The following LARP4 variants were observed in gnomAD, a reference collection of about 807,000 sequenced individuals.
LARP4 encodes la-related protein 4.
LARP4 carries 29 observed loss-of-function variants against 92.9 expected under a neutral mutation model. The ratio of observed to expected loss-of-function variants is 0.31; its 90% CI spans 0.23 to 0.43. The LOEUF is 0.43. Ranked by LOEUF, LARP4 falls within the 20% of genes least tolerant of loss-of-function variation. The probability of loss-of-function intolerance (pLI) is 1.00; values close to 1 mark genes in which losing one functional copy is unlikely to be tolerated. For synonymous variants in LARP4, 279 were observed against 284.1 expected, an observed-to-expected ratio of 0.98 and a Z score of 0.18; for missense variants, 732 against 860.0, an observed-to-expected ratio of 0.85 and a Z score of 1.86.
chr12:50,438,940 T>C (rs1484600887), intron 6 of LARP4, among the ~76,000 whole-genome samples: 2 of 152,176 alleles, frequency 1.3e-5, no homozygotes, highest in African/African-American at 2.4e-5. Flanking sequence ...CAGAGTGTTA[T>C]TTTGTTTTAT....
At chr12:50,424,873 G>T (rs1237114210) in intron 1 of LARP4, among the ~76,000 whole-genome samples, 1 of 151,864 alleles carries the variant, frequency 6.6e-6, no homozygotes, top group Non-Finnish European at 1.5e-5. Context: ...GAGGCCAGGT[G>T]CAGTGGCTCA....
Position 50,461,197 on chromosome 12 carries a change from TGG to T in LARP4, c.1188_1189del (p.Asp397TrpfsTer7). ...CACTCAACAGAGGGCTCTGTATCCT[TGG>T]GGGATGGACAGTTGAACAGATATAG... On this transcript the variant is annotated frameshift_variant, in exon 11 of 16. Transcript: ENST00000398473. LOFTEE classifies it high-confidence loss of function. The T allele has an allele frequency of 6.2e-7, 1 of 1,614,056 alleles. No homozygotes were observed. Among genetic ancestry groups the T allele is most frequent in the Non-Finnish European group, 8.5e-7 (1 of 1,179,998 alleles).
intron 1 of LARP4, among the ~76,000 whole-genome samples, chr12:50,418,105 C>T (rs777815071): frequency 6.6e-6 from 1 of 152,206 alleles, no homozygotes; most frequent in Admixed American, 6.5e-5. Flanking sequence ...AGGTGATCCA[C>T]CCGCCTTGGC....
intron 15 of LARP4, 39 bp downstream of exon 15, chr12:50,474,206 A>G (rs1957286772): frequency 1.3e-6 from 2 of 1,500,266 alleles, no homozygotes; most frequent in Non-Finnish European, 1.8e-6. Flanking sequence ...AAAAAATACA[A>G]TAGATTAGAT....
chr12:50,405,239 T>C (rs1307491830), intron 1 of LARP4, among the ~76,000 whole-genome samples: 1 of 152,048 alleles, frequency 6.6e-6, no homozygotes, highest in Non-Finnish European at 1.5e-5. Flanking sequence ...AAACAAACAA[T>C]GTCCCTCTCT....
chr12:50,453,681 G>A lies in LARP4; in HGVS notation c.1017+9G>A. On this transcript the variant is annotated intron_variant, in intron 9 of 15. Transcript: ENST00000398473. ...ACTTTGAAACACCACTGGTAAGTGA[G>A]ATCCTTACAATAAAATATAATAATA... 6.7e-7 allele frequency: 1 copy of A among 1,502,522 alleles called. No homozygotes were observed. The highest frequency in any genetic ancestry group is 9.2e-7 in the Non-Finnish European group (1 of 1,088,786). 93.1% of individuals were successfully genotyped at this position (1,502,522 alleles called of 1,614,324 possible). A position where few individuals can be genotyped will look rare whatever the true frequency, so the allele number is the denominator to read the frequency against.
chr12:50,406,797 A>G (rs935262580), intron 1 of LARP4, among the ~76,000 whole-genome samples: 10 of 151,716 alleles, frequency 6.6e-5, no homozygotes, highest in Admixed American at 1.3e-4. Flanking sequence ...GCTCACTGCA[A>G]TGTCTGCCTC....
At chr12:50,410,774 T>A (rs1225674674) in intron 1 of LARP4, among the ~76,000 whole-genome samples, 2 of 152,136 alleles carry the variant, frequency 1.3e-5, no homozygotes, top group African/African-American at 4.8e-5. Flanking sequence ...AATTTGTAAC[T>A]TTGATTATAT....
chr12:50,471,285 A>G (rs973358064), intron 13 of LARP4, among the ~76,000 whole-genome samples: 1 of 152,222 alleles, frequency 6.6e-6, no homozygotes, highest in African/African-American at 2.4e-5. Flanking sequence ...TGGAAAGGTT[A>G]TAAATGGAAT....
At chr12:50,436,207 C>T (rs1046062744) in intron 5 of LARP4, among the ~76,000 whole-genome samples, 2 of 145,400 alleles carry the variant, frequency 1.4e-5, no homozygotes, top group Non-Finnish European at 3.0e-5. Flanking sequence ...CCGCTACTGA[C>T]TGGTGTGTGG....
rs374829101 is a variant in LARP4, at chr12:50,467,094, G to A, written c.1519G>A (p.Val507Ile). 104 of 1,608,030 alleles carry A rather than the reference G, an allele frequency of 6.5e-5. 1 individual carries two copies. The African/African-American group carries it at 1.3e-3, about 21-fold the overall frequency. ...ELVLENRMSD[V>I]VKGVYKEKDN... ...CGTTTTGGAGAATAGGATGTCTGAT[G>A]TTGTTAAAGGTGTCTACAAAGAAAA... The change falls in exon 13 of 16, where the codon GTT (valine) becomes ATT (isoleucine). Residue 507 changes from valine (V) to isoleucine (I), a missense_variant. This residue lies in a region of LARP4 where 264 missense variants were observed against 269.5 expected (regional missense o/e 0.98). Coordinates refer to ENST00000398473, the MANE Select transcript of LARP4 (RefSeq NM_052879.5).
intron 7 of LARP4, 35 bp downstream of exon 7, chr12:50,440,584 C>T (rs758692165): frequency 1.4e-6 from 2 of 1,398,450 alleles, no homozygotes; most frequent in Non-Finnish European, 2.0e-6. Flanking sequence ...CAAGTCCATC[C>T]TAGTGGCAAA....
intron 4 of LARP4, among the ~76,000 whole-genome samples, chr12:50,430,962 C>G (rs1400457829): frequency 6.6e-6 from 1 of 152,132 alleles, no homozygotes; most frequent in Non-Finnish European, 1.5e-5. Context: ...ACACTCGGCC[C>G]CTTGTCTAGA....
intron 8 of LARP4, among the ~76,000 whole-genome samples, chr12:50,442,085 T>C (rs1394067051): frequency 1.3e-5 from 2 of 152,170 alleles, no homozygotes; most frequent in Non-Finnish European, 2.9e-5. Context: ...GCTTGTATTA[T>C]GTGCTACTTC....
rs549045520 is a variant in LARP4 at position 50,434,658 on chromosome 12, C to T, written c.399-830C>T. ...TTGACCTCTAATGATCCACCCGCCT[C>T]GGCGTCCCAAAGTGCTAGGATTACA... is the stretch of plus-strand genomic sequence containing the variant. On this transcript the variant is annotated intron_variant, in intron 4 of 15. Transcript: ENST00000398473. Among the ~76,000 whole-genome samples, 25 of 151,716 alleles carry T rather than the reference C, an allele frequency of 1.6e-4. 1 individual carries two copies. Among genetic ancestry groups the T allele is most frequent in the Middle Eastern group, 3.4e-3 (1 of 294 alleles).
At chr12:50,426,684 GGTGTGTGTGTGTGTGTGTGTGTGT>G (rs762987529) in intron 1 of LARP4, among the ~76,000 whole-genome samples, 8 of 86,170 alleles carry the variant, frequency 9.3e-5, no homozygotes, top group South Asian at 1.1e-3. Context: ...TTATGTTTGG[GGTGTGTGTGTGTGTGTGTGTGTGT>G]GTGTGTGTGT....
chr12:50,410,246 C>CT (rs922809821), intron 1 of LARP4, among the ~76,000 whole-genome samples: 9 of 151,584 alleles, frequency 5.9e-5, no homozygotes, highest in African/African-American at 1.7e-4. Flanking sequence ...TGTTAGATAC[C>CT]TTTTTTTAAT....
chr12:50,416,283 G>C (rs1019400111), intron 1 of LARP4: 5 of 152,198 alleles, frequency 3.3e-5, no homozygotes, highest in Non-Finnish European at 5.9e-5. Flanking sequence ...TTCCTCACCA[G>C]ATCCTTGTGC....
intron 1 of LARP4, among the ~76,000 whole-genome samples, chr12:50,406,721 T>G (rs904967573): frequency 9.9e-5 from 15 of 152,034 alleles, no homozygotes; most frequent in Non-Finnish European, 2.2e-4. Context: ...CATCTAACAG[T>G]TTTTTGTTTT....
Sources: gnomAD v4.1 joint callset for allele counts (sites outside exome capture counted in the v4.1 genomes callset) on GRCh38, gnomAD v4.1.1 for gene constraint, gnomAD v4.1.1 regional missense constraint, MANE v1.5 for transcripts, NCBI Gene and HGNC (gene_info 2026-07-23, HGNC 2026-07-21) for gene names.